CSMD1: variants seen among roughly 807,000 people sequenced by gnomAD.
CSMD1 encodes the protein CUB and sushi domain-containing protein 1.
In CSMD1, 213 loss-of-function variants were observed where a neutral mutation model predicts 417.5. The observed-to-expected ratio is 0.51, with a 90% CI of 0.46 to 0.57. The LOEUF is 0.57. CSMD1 is among the 20% of genes least tolerant of loss of function. The pLI is 0.00. For synonymous variants in CSMD1, 2,862 were observed against 1,736.8 expected (o/e 1.65, Z -16.11); for missense variants, 6,923 against 4,529.7 (o/e 1.53, Z -15.17).
chr8:4,932,421 C>T lies in CSMD1; in HGVS notation c.85+61911G>A, dbSNP rs28526129. ...TTGTTCCTTCTGTGAGGTGAAGACA[C>T]GAAGACTTCCAAAATCTTTCTGCCA... On this transcript the variant is annotated intron_variant, in intron 1 of 69. Transcript: ENST00000635120. 3.4e-3 allele frequency among the ~76,000 whole-genome samples: 511 copies of T among 151,828 alleles called. 1 individual carries two copies. The highest frequency in any genetic ancestry group is 0.011 in the African/African-American group (466 of 41,426).
At chr8:3,489,929 G>C (rs1250451232) in intron 11 of CSMD1, among the ~76,000 whole-genome samples, 2 of 152,142 alleles carry the variant, frequency 1.3e-5, no homozygotes, top group Non-Finnish European at 2.9e-5. Context: ...TAAAATGTGT[G>C]TCATGTGATC....
intron 26 of CSMD1, among the ~76,000 whole-genome samples, chr8:3,277,633 C>T (rs1802402269): frequency 6.6e-6 from 1 of 152,076 alleles, no homozygotes; most frequent in Non-Finnish European, 1.5e-5. Flanking sequence ...TCAAGGGGCC[C>T]AGGATTGGGA....
At chr8:3,312,102 A>G (rs558559814) in intron 23 of CSMD1, among the ~76,000 whole-genome samples, 1 of 152,298 alleles carries the variant, frequency 6.6e-6, no homozygotes, top group Admixed American at 6.5e-5. Context: ...TCTTCTCCAA[A>G]AAAAACAAGC....
At chr8:3,384,909 T>A (rs1393682826) in intron 18 of CSMD1, among the ~76,000 whole-genome samples, 99 of 122,132 alleles carry the variant, frequency 8.1e-4, no homozygotes, top group African/African-American at 3.1e-3. Context: ...TTATATATGC[T>A]TATATATTAC....
chr8:3,630,627 T>C (rs1188549286), intron 7 of CSMD1, among the ~76,000 whole-genome samples: 1 of 151,854 alleles, frequency 6.6e-6, no homozygotes, highest in Non-Finnish European at 1.5e-5. Context: ...GCATGCTGAG[T>C]GAGGGTTGAA....
At position 4,079,699 on chromosome 8, in the gene CSMD1, G is replaced by C. The variant is rs530817624; in HGVS notation, c.416-47600C>G. 7.2e-5 allele frequency among the ~76,000 whole-genome samples: 11 copies of C among 152,290 alleles called. 1 individual carries two copies. In the East Asian group the frequency reaches 2.1e-3, roughly 29 times the overall value. ...ATTAATTTATTCCTGTAGTAAACTT[G>C]CTTTCTTTCCATAGTATGAATAGCC... On this transcript the variant is annotated intron_variant, in intron 3 of 69. Coordinates refer to ENST00000635120, the MANE Select transcript of CSMD1 (RefSeq NM_033225.6).
At chr8:4,003,789 G>A (rs146559163) in intron 4 of CSMD1, among the ~76,000 whole-genome samples, 13 of 152,230 alleles carry the variant, frequency 8.5e-5, no homozygotes, top group Non-Finnish European at 8.8e-5. Flanking sequence ...CTTAGGGTCT[G>A]ATGTCTACTG....
intron 3 of CSMD1, among the ~76,000 whole-genome samples, chr8:4,392,816 A>G (rs916645568): frequency 6.6e-6 from 1 of 151,746 alleles, no homozygotes; most frequent in Non-Finnish European, 1.5e-5. Context: ...AAAAATACAA[A>G]TATTAGCCGG....
At chr8:3,106,114 A>G (rs1349346991) in intron 46 of CSMD1, among the ~76,000 whole-genome samples, 1 of 151,820 alleles carries the variant, frequency 6.6e-6, no homozygotes, top group Non-Finnish European at 1.5e-5. Flanking sequence ...GGCTGGGTAC[A>G]GTGGCTCATG....
At chr8:4,357,925 T>C (rs1056474750) in intron 3 of CSMD1, among the ~76,000 whole-genome samples, 3 of 152,172 alleles carry the variant, frequency 2.0e-5, no homozygotes, top group African/African-American at 7.2e-5. Flanking sequence ...GAGAATATAC[T>C]TAATTAAAAG....
At chr8:3,501,214 C>T (rs1796586061) in intron 10 of CSMD1, among the ~76,000 whole-genome samples, 1 of 152,130 alleles carries the variant, frequency 6.6e-6, no homozygotes, top group African/African-American at 2.4e-5. Context: ...TCTCTATGAT[C>T]TTTGCCTCTG....
intron 3 of CSMD1, among the ~76,000 whole-genome samples, chr8:4,099,929 C>G (rs1801219230): frequency 6.6e-6 from 1 of 152,124 alleles, no homozygotes; most frequent in Non-Finnish European, 1.5e-5. Flanking sequence ...AAATCAACAA[C>G]AACAACAATA....
intron 5 of CSMD1, among the ~76,000 whole-genome samples, chr8:3,821,587 G>C (rs1204935901): frequency 2.0e-5 from 3 of 152,110 alleles, no homozygotes; most frequent in African/African-American, 2.4e-5. Flanking sequence ...TACGAGACCA[G>C]CCTGGCCAAC....
chr8:4,037,152 C>G (rs1416393482), intron 3 of CSMD1, among the ~76,000 whole-genome samples: 1 of 152,306 alleles, frequency 6.6e-6, no homozygotes, highest in Non-Finnish European at 1.5e-5. Flanking sequence ...ATGTAGAGCT[C>G]ACATGTGTGT....
At chr8:4,079,142 T>C (rs1207261212) in intron 3 of CSMD1, among the ~76,000 whole-genome samples, 2 of 151,904 alleles carry the variant, frequency 1.3e-5, no homozygotes, top group South Asian at 2.1e-4. Flanking sequence ...TACTGGATCA[T>C]ATAAAAGAGA....
At chr8:4,190,219 A>G (rs545917866) in intron 3 of CSMD1, among the ~76,000 whole-genome samples, 7 of 142,648 alleles carry the variant, frequency 4.9e-5, no homozygotes, top group Non-Finnish European at 9.0e-5. Flanking sequence ...AGATCGAGTC[A>G]CTGCCCTCCA....
intron 3 of CSMD1, among the ~76,000 whole-genome samples, chr8:4,368,803 G>A (rs1802238833): frequency 6.6e-6 from 1 of 152,064 alleles, no homozygotes; most frequent in South Asian, 2.1e-4. Context: ...TGGATAGGTT[G>A]TAATGTCAGC....
At chr8:4,213,813 A>G (rs546330140) in intron 3 of CSMD1, among the ~76,000 whole-genome samples, 1 of 152,298 alleles carries the variant, frequency 6.6e-6, no homozygotes, top group Non-Finnish European at 1.5e-5. Context: ...TGCATTGAGA[A>G]AGATAAGAAA....
At position 3,142,582 on chromosome 8, in the gene CSMD1, C is replaced by T. The variant is rs1287237715; in HGVS notation, c.6124G>A (p.Gly2042Arg). The T allele has an allele frequency of 1.2e-6, 2 of 1,613,898 alleles. No homozygotes were observed. The highest frequency in any genetic ancestry group is 1.1e-5 in the South Asian group (1 of 91,072). ...NGPYHTSPMI[G>R]QFSGTDLPAA... ...GGGAGATCCGTGCCGCTAAATTGTC[C>T]AATCATGGGGCTGGTGTGGTAAGGT... The change falls in exon 41 of 70, where the codon GGA becomes AGA. Residue 2042 changes from glycine (G) to arginine (R), a missense_variant. Transcript: ENST00000635120.
Sources: gnomAD v4.1 joint callset for allele counts (sites outside exome capture counted in the v4.1 genomes callset) on GRCh38, gnomAD v4.1.1 for gene constraint, MANE v1.5 for transcripts, NCBI Gene and HGNC (gene_info 2026-07-23, HGNC 2026-07-21) for gene names.